The following NKAIN1 variants were observed in gnomAD, a reference collection of about 807,000 sequenced individuals.
The protein encoded by NKAIN1 is sodium/potassium-transporting ATPase subunit beta-1-interacting protein 1.
In NKAIN1, 13 loss-of-function variants were observed where a neutral mutation model predicts 31.6. The ratio of observed to expected loss-of-function variants is 0.41; its 90% CI spans 0.27 to 0.65. The LOEUF (loss-of-function observed/expected upper bound fraction) is 0.65. NKAIN1 is among the 30% of genes least tolerant of loss of function. The probability of loss-of-function intolerance (pLI) is 0.30; values close to 1 mark genes in which losing one functional copy is unlikely to be tolerated. For synonymous variants in NKAIN1, 104 were observed against 109.0 expected (o/e 0.95, Z 0.28); for missense variants, 193 against 262.2 (o/e 0.74, Z 1.82).
At chr1:31,192,795 C>T (rs1645296449) in intron 1 of NKAIN1, among the ~76,000 whole-genome samples, 1 of 152,042 alleles carries the variant, frequency 6.6e-6, no homozygotes. Flanking sequence ...CTCATGTGGT[C>T]CACCCACCTT....
At chr1:31,208,077 T>C (rs1645437792) in intron 1 of NKAIN1, among the ~76,000 whole-genome samples, 1 of 152,166 alleles carries the variant, frequency 6.6e-6, no homozygotes, top group African/African-American at 2.4e-5. Flanking sequence ...CTACTGGAAC[T>C]GGAAACTCTC....
At chr1:31,221,141 G>C (rs543151972) in intron 1 of NKAIN1, among the ~76,000 whole-genome samples, 1 of 152,280 alleles carries the variant, frequency 6.6e-6, no homozygotes, top group East Asian at 1.9e-4. Flanking sequence ...GATAAAGAAG[G>C]AAAGAGCTTC....
chr1:31,192,392 G>A (rs983008169), intron 1 of NKAIN1, among the ~76,000 whole-genome samples: 2 of 152,188 alleles, frequency 1.3e-5, no homozygotes, highest in African/African-American at 2.4e-5. Flanking sequence ...TGCTAGCTCC[G>A]GGATGCAGAA....
intron 1 of NKAIN1, chr1:31,193,844 C>G (rs1223018866): frequency 1.3e-5 from 2 of 152,196 alleles, no homozygotes; most frequent in African/African-American, 4.8e-5. Context: ...AAACACTAAT[C>G]TGAGGGCTGT....
chr1:31,216,690 T>TTTTATTTATTTA (rs35212874), intron 1 of NKAIN1, among the ~76,000 whole-genome samples: 15,436 of 140,146 alleles, frequency 0.11, 1,084 homozygotes, highest in Middle Eastern at 0.16. Context: ...TGGCATTGAC[T>TTTTATTTATTTA]TTTATTTATT....
rs75407758 is a variant in NKAIN1 at position 31,232,843 on chromosome 1, T to C, written c.54+6651A>G. On this transcript the variant is annotated intron_variant, in intron 1 of 6. Coordinates refer to ENST00000373736, the MANE Select transcript of NKAIN1 (RefSeq NM_024522.3). The stretch of plus-strand genomic sequence containing the variant: ...TTGATGACTACTCTGAGGCTCAGAC[T>C]ATTATCTCCTGTTTCCTTGGAGAGA... Among the ~76,000 whole-genome samples, 79 of 152,266 alleles carry C rather than the reference T, an allele frequency of 5.2e-4. No individual in the cohort carries two copies. The East Asian group carries it at 0.012, about 24-fold the overall frequency.
intron 1 of NKAIN1, among the ~76,000 whole-genome samples, chr1:31,197,561 C>T (rs111346975): frequency 0.29 from 9,884 of 34,636 alleles, 1,041 homozygotes; most frequent in African/African-American, 0.38. Flanking sequence ...TTTTTTTTTT[C>T]CCTGAGATGG....
intron 1 of NKAIN1, among the ~76,000 whole-genome samples, chr1:31,205,470 A>G (rs1645416429): frequency 1.3e-5 from 2 of 152,058 alleles, no homozygotes; most frequent in Admixed American, 6.6e-5. Flanking sequence ...CACCATGCCC[A>G]GATAATTTTT....
chr1:31,196,036 C>T (rs1245360154), intron 1 of NKAIN1, among the ~76,000 whole-genome samples: 1 of 152,108 alleles, frequency 6.6e-6, no homozygotes, highest in Non-Finnish European at 1.5e-5. Context: ...TCTGCTTGGC[C>T]ACTGAAACAG....
chr1:31,194,173 C>T (rs1357344131), intron 1 of NKAIN1, among the ~76,000 whole-genome samples: 1 of 152,138 alleles, frequency 6.6e-6, no homozygotes, highest in Non-Finnish European at 1.5e-5. Flanking sequence ...CAAATCTCAT[C>T]CCAGCCACAC....
At chr1:31,224,483 T>A (rs1645587306) in intron 1 of NKAIN1, among the ~76,000 whole-genome samples, 1 of 152,136 alleles carries the variant, frequency 6.6e-6, no homozygotes, top group Non-Finnish European at 1.5e-5. Context: ...CACACCCCAA[T>A]AAACCCATCG....
chr1:31,212,375 G>T (rs1258007751), intron 1 of NKAIN1, among the ~76,000 whole-genome samples: 1 of 150,664 alleles, frequency 6.6e-6, no homozygotes, highest in Non-Finnish European at 1.5e-5. Context: ...GTATAAATCT[G>T]TATTACTCTG....
chr1:31,209,427 C>T (rs1391968009), intron 1 of NKAIN1, among the ~76,000 whole-genome samples: 1 of 152,030 alleles, frequency 6.6e-6, no homozygotes, highest in African/African-American at 2.4e-5. Flanking sequence ...CAGAGTGCAG[C>T]CTCCACCCCT....
At chr1:31,209,990 A>T (rs1570466372) in intron 1 of NKAIN1, among the ~76,000 whole-genome samples, 1 of 51,666 alleles carries the variant, frequency 1.9e-5, no homozygotes, top group Non-Finnish European at 3.0e-5. Context: ...CTGTCTTATT[A>T]AAAAAAAAAA....
intron 1 of NKAIN1, among the ~76,000 whole-genome samples, chr1:31,237,902 A>T (rs919469420): frequency 6.6e-6 from 1 of 152,234 alleles, no homozygotes; most frequent in Non-Finnish European, 1.5e-5. Flanking sequence ...CTAGTTTAAA[A>T]TTAAAAAATT....
chr1:31,187,586 G>T (rs547438517), intron 2 of NKAIN1, among the ~76,000 whole-genome samples: 1 of 152,108 alleles, frequency 6.6e-6, no homozygotes, highest in Non-Finnish European at 1.5e-5. Flanking sequence ...TCCTGAGGCC[G>T]TGTGGTGCCG....
chr1:31,201,832 C>A (rs183316532), intron 1 of NKAIN1, among the ~76,000 whole-genome samples: 2 of 152,336 alleles, frequency 1.3e-5, no homozygotes, highest in Admixed American at 1.3e-4. Context: ...TGTTTGCATG[C>A]CCCAGCATTT....
intron 1 of NKAIN1, among the ~76,000 whole-genome samples, chr1:31,224,442 A>C: frequency 6.6e-6 from 1 of 152,194 alleles, no homozygotes; most frequent in Non-Finnish European, 1.5e-5. Context: ...GCCACATCCC[A>C]ATCAAGCCAT....
chr1:31,220,465 C>A (rs1645555420), intron 1 of NKAIN1, among the ~76,000 whole-genome samples: 2 of 152,038 alleles, frequency 1.3e-5, no homozygotes, highest in Admixed American at 1.3e-4. Flanking sequence ...ACAGAATAAG[C>A]ACCCAGTGGC....
Sources: gnomAD v4.1 joint callset for allele counts (sites outside exome capture counted in the v4.1 genomes callset) on GRCh38, gnomAD v4.1.1 for gene constraint, MANE v1.5 for transcripts, NCBI Gene and HGNC (gene_info 2026-07-23, HGNC 2026-07-21) for gene names.